DISP3: variants seen among roughly 807,000 people sequenced by gnomAD.
DISP3 encodes the protein protein dispatched homolog 3.
DISP3 carries 101 observed loss-of-function variants against 135.3 expected under a neutral mutation model. The ratio of observed to expected loss-of-function variants is 0.75; its 90% CI spans 0.64 to 0.88. The LOEUF (loss-of-function observed/expected upper bound fraction) is 0.88, where lower values mean the gene tolerates loss of function less well. Among genes scored for constraint, DISP3 ranks in the 40% least tolerant of loss-of-function variants. The pLI, the probability that DISP3 is intolerant of heterozygous loss-of-function variation, is 0.00. For missense variants in DISP3, 1,713 were observed against 1,878.6 expected (o/e 0.91, Z 1.63); for synonymous variants, 856 against 817.0 (o/e 1.05, Z -0.81).
chr1:11,535,362 G>A (rs937952399), intron 19 of DISP3, 116 bp from the exon 20 acceptor site: 13 of 1,397,778 alleles, frequency 9.3e-6, no homozygotes, highest in Middle Eastern at 2.1e-4. Context: ...GGGTCCCCTC[G>A]GTGTGCCTTG....
intron 10 of DISP3, among the ~76,000 whole-genome samples, chr1:11,522,158 A>G (rs1031155903): frequency 6.6e-6 from 1 of 152,176 alleles, no homozygotes; most frequent in Non-Finnish European, 1.5e-5. Flanking sequence ...GAGGGGGAGC[A>G]GGCGAAGTCA....
rs1197252256 is a variant in DISP3 at position 11,534,552 on chromosome 1, C to T, written c.3535+12C>T. ...CATGGAAATCGTAGGCAAGCGGCAGCCTCGCCCCTCCATCCTGGGTGGGCA... is the reference window on the plus strand; with the variant it reads ...CATGGAAATCGTAGGCAAGCGGCAGTCTCGCCCCTCCATCCTGGGTGGGCA... On this transcript the variant is annotated intron_variant, in intron 18 of 20. Transcript: ENST00000294484. 1 of 1,592,956 alleles carries T rather than the reference C, an allele frequency of 6.3e-7. No individual in the cohort carries two copies.
At position 11,500,982 on chromosome 1, in the gene DISP3, T is replaced by A. The variant is rs1280561738; in HGVS notation, c.-3-8T>A. 6.2e-7 allele frequency: 1 copy of A among 1,613,322 alleles called. No homozygotes were observed. The stretch of plus-strand genomic sequence containing the variant: ...CTCTAGCCTGCTGACCCTCTCCCTC[T>A]CCTGCAGACTATGGACACGGAGGAT... On this transcript the variant is annotated splice_polypyrimidine_tract_variant and splice_region_variant and intron_variant, in intron 1 of 20. Coordinates refer to ENST00000294484, the MANE Select transcript of DISP3 (RefSeq NM_020780.2).
chr1:11,520,941 C>T lies in DISP3; in HGVS notation c.2362+93C>T. On this transcript the variant is annotated intron_variant, in intron 10 of 20. Coordinates refer to ENST00000294484, the MANE Select transcript of DISP3 (RefSeq NM_020780.2). This position sits in a 1 kb window ranked among gnomAD's most constrained non-coding sequence, Gnocchi z 4.8. ...GAGATGCAGGATCCAGGGTCCCCAT[C>T]AATGCCAGACCTCAGGCAAATCCCA... 4 of 1,386,224 alleles carry T rather than the reference C, an allele frequency of 2.9e-6. No homozygotes were observed. The South Asian group carries it at 5.8e-5, about 20-fold the overall frequency. 85.9% of individuals were successfully genotyped at this position (1,386,224 alleles called of 1,614,324 possible).
Position 11,510,945 on chromosome 1 carries a change from C to T in DISP3, c.1317-3445C>T, listed in dbSNP as rs141768079. On this transcript the variant is annotated intron_variant, in intron 3 of 20. Coordinates refer to ENST00000294484, the MANE Select transcript of DISP3 (RefSeq NM_020780.2). ...GAGGCAAAAGGCACTTCTTAGATGG[C>T]GACAGCAAGAGAAAATGAGGAAAAA... Among the ~76,000 whole-genome samples the T allele has an allele frequency of 2.6e-3, 403 of 152,248 alleles. 2 individuals are homozygous for T. Among genetic ancestry groups the T allele is most frequent in the East Asian group, 5.2e-3 (27 of 5,194 alleles).
chr1:11,511,049 C>T (rs1006363821), intron 3 of DISP3, among the ~76,000 whole-genome samples: 6 of 152,154 alleles, frequency 3.9e-5, no homozygotes, highest in Non-Finnish European at 8.8e-5. Context: ...TGGTAAAGAC[C>T]AGCCGCCATG....
chr1:11,492,121 CAAAAAAAAAAAAAA>C (rs59755389), intron 1 of DISP3, among the ~76,000 whole-genome samples: 1 of 62,182 alleles, frequency 1.6e-5, no homozygotes, highest in African/African-American at 6.0e-5. Flanking sequence ...GACTCCGTCT[CAAAAAAAAAAAAAA>C]AAAAAAAAAG....
At chr1:11,485,029 A>AC (rs1309814320) in intron 1 of DISP3, among the ~76,000 whole-genome samples, 3 of 148,838 alleles carry the variant, frequency 2.0e-5, no homozygotes, top group African/African-American at 7.5e-5. Flanking sequence ...TAATGGCAAA[A>AC]CCCCCAATTC....
chr1:11,514,228 C>T (rs1054293463), intron 3 of DISP3, among the ~76,000 whole-genome samples, 162 bp from the exon 4 acceptor site: 2 of 152,230 alleles, frequency 1.3e-5, no homozygotes, highest in African/African-American at 4.8e-5. Context: ...CTGGCCTGGA[C>T]ATCAGGATTA....
chr1:11,535,918 C>T (rs1170394305), intron 20 of DISP3, among the ~76,000 whole-genome samples: 2 of 152,164 alleles, frequency 1.3e-5, no homozygotes, highest in Non-Finnish European at 1.5e-5. Context: ...TTCACACTGC[C>T]CCAGGTCCAT....
intron 13 of DISP3, among the ~76,000 whole-genome samples, chr1:11,527,621 G>A (rs941720481): frequency 6.6e-6 from 1 of 152,050 alleles, no homozygotes; most frequent in Non-Finnish European, 1.5e-5. Context: ...TCTGCCCAGG[G>A]CTGGGGAGTG....
chr1:11,532,950 C>A (rs1642611618), intron 17 of DISP3, among the ~76,000 whole-genome samples: 1 of 152,120 alleles, frequency 6.6e-6, no homozygotes, highest in African/African-American at 2.4e-5. Context: ...AGGTGATCCA[C>A]CCACCTCGGC....
At chr1:11,517,701 AC>A in intron 7 of DISP3, 99 bp downstream of exon 7, 2 of 1,444,192 alleles carry the variant, frequency 1.4e-6, no homozygotes, top group South Asian at 1.2e-5. Context: ...CTTCTGTATG[AC>A]CAGTCCTTTG....
chr1:11,528,815 G>A (rs1271085600), intron 13 of DISP3, among the ~76,000 whole-genome samples: 3 of 152,198 alleles, frequency 2.0e-5, no homozygotes, highest in East Asian at 1.9e-4. Context: ...GGTCTCTGAC[G>A]GGGCTAGCTT....
intron 3 of DISP3, among the ~76,000 whole-genome samples, chr1:11,508,185 G>C (rs771188415): frequency 1.3e-5 from 2 of 152,286 alleles, no homozygotes; most frequent in Admixed American, 6.5e-5. Context: ...TACTTGGAAG[G>C]CTGAGGCAGG....
At chr1:11,495,421 G>A (rs958038586) in intron 1 of DISP3, among the ~76,000 whole-genome samples, 1 of 152,012 alleles carries the variant, frequency 6.6e-6, no homozygotes, top group African/African-American at 2.4e-5. Context: ...AACAAAAATA[G>A]CTCTCCTATT....
chr1:11,529,869 A>C lies in DISP3; in HGVS notation c.3012A>C (p.Leu1004=). 1 of 1,613,978 alleles carries C rather than the reference A, an allele frequency of 6.2e-7. No individual in the cohort carries two copies. The highest frequency in any genetic ancestry group is 1.1e-5 in the South Asian group (1 of 91,072). The change falls in exon 15 of 21, where the codon CTA becomes CTC. Residue 1004 remains leucine (L), a synonymous_variant. Transcript: ENST00000294484. This position sits in a 1 kb window ranked among gnomAD's most constrained non-coding sequence, Gnocchi z 4.7. Reference sequence around the variant, plus strand: ...GCGGGAAGCCGGCGGTGCGGCCACTAGTGGATACCGGGGCCATGGTCTTTG... The same window carrying C: ...GCGGGAAGCCGGCGGTGCGGCCACTCGTGGATACCGGGGCCATGGTCTTTG... ...TGCGKPAVRP[L]VDTGAMVFVV... is the part of the protein sequence containing the mutation.
Position 11,536,926 on chromosome 1 carries a change from C to A in DISP3, c.*240C>A. ...TGGCAGCCACACTCGGCTTTTTGCCCAGTGGCAGAAGAGACCAGCCCTCCT... is the reference window on the plus strand; with the variant it reads ...TGGCAGCCACACTCGGCTTTTTGCCAAGTGGCAGAAGAGACCAGCCCTCCT... On this transcript the variant is annotated 3_prime_UTR_variant, in exon 21 of 21. Transcript: ENST00000294484. This position sits in a 1 kb window ranked among gnomAD's most constrained non-coding sequence, Gnocchi z 4.3. 1 of 588,580 alleles carries A rather than the reference C, an allele frequency of 1.7e-6. No individual in the cohort carries two copies. The highest frequency in any genetic ancestry group is 2.9e-5 in the East Asian group (1 of 34,056). 36.5% of individuals were successfully genotyped at this position (588,580 alleles called of 1,614,324 possible). A position where few individuals can be genotyped will look rare whatever the true frequency, so the allele number is the denominator to read the frequency against.
intron 20 of DISP3, 122 bp downstream of exon 20, chr1:11,535,766 G>T: frequency 7.6e-7 from 1 of 1,308,702 alleles, no homozygotes. Context: ...TGCAGGCTGT[G>T]TTCTAGAAAC....
Sources: gnomAD v4.1 joint callset for allele counts (sites outside exome capture counted in the v4.1 genomes callset) on GRCh38, gnomAD v4.1.1 for gene constraint, Gnocchi (gnomAD v3.1) non-coding constraint, MANE v1.5 for transcripts, NCBI Gene and HGNC (gene_info 2026-07-23, HGNC 2026-07-21) for gene names.